The following RASD2 variants were observed in gnomAD, a reference collection of about 807,000 sequenced individuals.
RASD2 encodes the protein GTP-binding protein Rhes.
Under a neutral mutation model 15.8 loss-of-function variants are expected in RASD2, and 7 were observed. The observed-to-expected ratio is 0.44, with a 90% CI of 0.25 to 0.83. RASD2 has a LOEUF of 0.83. Among genes scored for constraint, RASD2 ranks in the 40% least tolerant of loss-of-function variants. The pLI is 0.20. For missense variants in RASD2, 274 were observed against 382.8 expected, an observed-to-expected ratio of 0.72 and a Z score of 2.37; for synonymous variants, 155 against 153.6, an observed-to-expected ratio of 1.01 and a Z score of -0.07.
the RASD2 span, among the ~76,000 whole-genome samples, chr22:35,534,645 G>T: frequency 2.0e-5 from 3 of 152,164 alleles, no homozygotes; most frequent in Non-Finnish European, 4.4e-5. Context: ...ATATTCTGTG[G>T]TGCATTCTCA....
chr22:35,551,876 G>T lies in RASD2; in HGVS notation c.645G>T (p.Arg215Ser). The T allele has an allele frequency of 6.2e-7, 1 of 1,613,774 alleles. No homozygotes were observed. The highest frequency in any genetic ancestry group is 8.5e-7 in the Non-Finnish European group (1 of 1,180,020). ...AGTACGGTGACGCCTTCCACCCCAG[G>T]CCCTTCTGCATGCGCCGCGTCAAGG... Reference protein sequence around the residue: ...SVQYGDAFHPRPFCMRRVKEM... With the variant: ...SVQYGDAFHPSPFCMRRVKEM... Residue 215 changes from arginine (R) to serine (S), a missense_variant, in exon 3 of 3, where the codon AGG becomes AGT. Physicochemically the swap from Arg to Ser is moderately radical, Grantham distance 110. Coordinates refer to ENST00000216127, the MANE Select transcript of RASD2 (RefSeq NM_014310.4). This position sits in a 1 kb window ranked among gnomAD's most constrained non-coding sequence, Gnocchi z 4.9.
Position 35,551,538 on chromosome 22 carries a change from C to A in RASD2, c.307C>A (p.Arg103=), listed in dbSNP as rs41279993. Residue 103 remains arginine, a synonymous_variant, in exon 3 of 3, where the codon CGG becomes AGG. Transcript: ENST00000216127. This position sits in a 1 kb window ranked among gnomAD's most constrained non-coding sequence, Gnocchi z 4.9. ...CATCCTGGTGTTCAGCCTGGATAAC[C>A]GGGAGTCCTTCGATGAGGTCAAGCG... The part of the protein sequence containing the change: ...VFILVFSLDN[R]ESFDEVKRLQ... 0.099 allele frequency: 158,879 copies of A among 1,612,840 alleles called. 8,711 individuals are homozygous for A. The highest frequency in any genetic ancestry group is 0.11 in the Non-Finnish European group (132,973 of 1,179,046).
intron 1 of RASD2, among the ~76,000 whole-genome samples, chr22:35,543,639 C>T (rs559396178): frequency 1.7e-4 from 26 of 152,340 alleles, no homozygotes; most frequent in African/African-American, 5.5e-4. Context: ...TGTCCCCTGG[C>T]GTCCAGGTGT....
At chr22:35,547,930 A>G (rs1176492230) in intron 2 of RASD2, among the ~76,000 whole-genome samples, 1 of 152,152 alleles carries the variant, frequency 6.6e-6, no homozygotes, top group African/African-American at 2.4e-5. Flanking sequence ...TAGTTATTTA[A>G]CCCTCATAGT....
chr22:35,549,988 C>T (rs1934616592), intron 2 of RASD2, among the ~76,000 whole-genome samples: 1 of 152,190 alleles, frequency 6.6e-6, no homozygotes, highest in South Asian at 2.1e-4. Flanking sequence ...TGGTTGGACG[C>T]AGTGGCTCAT....
chr22:35,543,833 T>TCC (rs1934418889), intron 1 of RASD2, among the ~76,000 whole-genome samples: 1 of 151,922 alleles, frequency 6.6e-6, no homozygotes, highest in Admixed American at 6.6e-5. Flanking sequence ...TTGCCTCCTC[T>TCC]CTGACTCCCT....
chr22:35,538,543 T>C (rs9619555), upstream of RASD2, among the ~76,000 whole-genome samples: 130,621 of 152,188 alleles, frequency 0.86, 57,187 homozygotes, highest in African/African-American at 0.93. Flanking sequence ...CTTATGTGTA[T>C]TTGCTTATTG....
chr22:35,539,487 G>A (rs927068338), upstream of RASD2, among the ~76,000 whole-genome samples: 1 of 152,184 alleles, frequency 6.6e-6, no homozygotes, highest in Non-Finnish European at 1.5e-5. Flanking sequence ...ATCACACAAC[G>A]AGAACATTCT....
chr22:35,540,682 G>A (rs529753680), upstream of RASD2, among the ~76,000 whole-genome samples: 12 of 152,292 alleles, frequency 7.9e-5, no homozygotes, highest in African/African-American at 2.6e-4. Context: ...CTGCGAGAGG[G>A]GGAAGGAGGG....
chr22:35,547,178 C>T (rs1430770929), intron 2 of RASD2, 98 bp downstream of exon 2: 6 of 1,360,768 alleles, frequency 4.4e-6, no homozygotes, highest in African/African-American at 1.4e-5. Flanking sequence ...GCATAGCCAT[C>T]GTCTGAGACA....
chr22:35,537,422 A>G (rs78311548), upstream of RASD2, among the ~76,000 whole-genome samples: 1,299 of 152,374 alleles, frequency 8.5e-3, 13 homozygotes, highest in African/African-American at 0.025. Context: ...AATGGGGGTG[A>G]CGAGGCATGT....
At chr22:35,539,392 GT>G (rs1215565826), upstream of RASD2, among the ~76,000 whole-genome samples, 1 of 152,214 alleles carries the variant, frequency 6.6e-6, no homozygotes, top group Non-Finnish European at 1.5e-5. Context: ...CCAGATCTGG[GT>G]TGGGGGTGAG....
chr22:35,542,129 A>C (rs73419194), intron 1 of RASD2, among the ~76,000 whole-genome samples: 14,179 of 151,986 alleles, frequency 0.093, 2,217 homozygotes, highest in African/African-American at 0.32. Flanking sequence ...ATGACAGGGG[A>C]TGTTGTCCAA....
chr22:35,543,434 A>G (rs1008756225), intron 1 of RASD2, among the ~76,000 whole-genome samples: 4 of 150,014 alleles, frequency 2.7e-5, no homozygotes, highest in African/African-American at 9.8e-5. Flanking sequence ...CTGATATTGG[A>G]CTCTAAATTC....
In RASD2 at chr22:35,551,619, G is replaced by T. The variant is rs1934666285; in HGVS notation, c.388G>T (p.Ala130Ser). 6.2e-7 allele frequency: 1 copy of T among 1,614,180 alleles called. No individual in the cohort carries two copies. The highest frequency in any genetic ancestry group is 8.5e-7 in the Non-Finnish European group (1 of 1,180,036). ...CTGCCTGAAGAACAAGACCAAGGAG[G>T]CGGCGGAGCTGCCCATGGTCATCTG... ...KSCLKNKTKE[A>S]AELPMVICGN... The change falls in exon 3 of 3, where the codon GCG (alanine) becomes TCG (serine). Residue 130 changes from alanine (A) to serine (S), a missense_variant. Transcript: ENST00000216127. The surrounding 1 kb of genome is among the most constrained non-coding windows in gnomAD (Gnocchi z 4.9).
chr22:35,552,141 C>A lies in RASD2; in HGVS notation c.*109C>A, dbSNP rs769674641. 1.4e-6 allele frequency: 2 copies of A among 1,388,328 alleles called. No individual in the cohort carries two copies. Among genetic ancestry groups the A allele is most frequent in the South Asian group, 2.9e-5 (2 of 70,012 alleles). The allele number at this position is 1,388,328 out of a possible 1,614,324, so 86.0% of individuals were successfully genotyped here. On this transcript the variant is annotated 3_prime_UTR_variant, in exon 3 of 3. Coordinates refer to ENST00000216127, the MANE Select transcript of RASD2 (RefSeq NM_014310.4). ...CCCCGGCAGCAGTCTTGTTCACAGA[C>A]CTTAGGCACCAGACTGGAGGCCCCC...
intron 1 of RASD2, among the ~76,000 whole-genome samples, chr22:35,542,671 G>A (rs962691728): frequency 1.3e-5 from 2 of 152,212 alleles, no homozygotes; most frequent in African/African-American, 4.8e-5. Flanking sequence ...GCATGGGGGT[G>A]TGGAGGAGGG....
In RASD2 at chr22:35,553,518, T is replaced by A. The variant is rs1934734674; in HGVS notation, c.*1486T>A. The A allele has an allele frequency of 6.6e-6, 1 of 152,258 alleles. No individual in the cohort carries two copies. The allele number at this position is 152,258 out of a possible 1,614,324, so 9.4% of individuals were successfully genotyped here. A position where few individuals can be genotyped will look rare whatever the true frequency, so the allele number is the denominator to read the frequency against. On this transcript the variant is annotated 3_prime_UTR_variant, in exon 3 of 3. Coordinates refer to ENST00000216127, the MANE Select transcript of RASD2 (RefSeq NM_014310.4). ...GGGTCTTTCTGAGGTTCAGAGAGGG[T>A]AAGTAACTTCCTCCAGGTCACACAG...
chr22:35,548,160 A>G (rs1361695709), intron 2 of RASD2, among the ~76,000 whole-genome samples: 2 of 152,122 alleles, frequency 1.3e-5, no homozygotes, highest in Non-Finnish European at 2.9e-5. Flanking sequence ...GCCCTTGTTT[A>G]CACTGCATTA....
Sources: allele counts gnomAD v4.1 joint callset (sites outside exome capture counted in the v4.1 genomes callset), GRCh38; gene constraint gnomAD v4.1.1; non-coding constraint Gnocchi (gnomAD v3.1); transcripts MANE v1.5; gene names NCBI Gene and HGNC (gene_info 2026-07-23, HGNC 2026-07-21).